Variants in REV1 observed in about 807,000 individuals in gnomAD.
REV1 encodes translesion synthesis protein REV1.
In REV1, 42 loss-of-function variants were observed where a neutral mutation model predicts 137.4. That is an observed-to-expected ratio of 0.31 (90% CI 0.24 to 0.40). The LOEUF (loss-of-function observed/expected upper bound fraction) is 0.40. REV1 is among the 10% of genes least tolerant of loss of function. REV1 has a pLI of 1.00. For missense variants in REV1, 1,282 were observed against 1,490.1 expected, an observed-to-expected ratio of 0.86 and a Z score of 2.30; for synonymous variants, 524 against 519.2, an observed-to-expected ratio of 1.01 and a Z score of -0.12.
chr2:99,469,117 G>C lies in REV1; in HGVS notation c.-10-4132C>G, dbSNP rs894791658. On this transcript the variant is annotated intron_variant, in intron 1 of 22. Transcript: ENST00000258428. Reference sequence around the variant, plus strand: ...TGGGGCCATGACTGGATGAAGGGTGGATATGGTGGGGAGAAGAAAAAAGTT... The same window carrying C: ...TGGGGCCATGACTGGATGAAGGGTGCATATGGTGGGGAGAAGAAAAAAGTT... 1.3e-5 allele frequency among the ~76,000 whole-genome samples: 2 copies of C among 152,142 alleles called. 1 individual carries two copies. Among genetic ancestry groups the C allele is most frequent in the East Asian group, 3.8e-4 (2 of 5,200 alleles).
intron 18 of REV1, 68 bp from the exon 19 acceptor site, chr2:99,403,883 C>T: frequency 6.4e-7 from 1 of 1,562,592 alleles, no homozygotes; most frequent in Non-Finnish European, 8.7e-7. Flanking sequence ...TTCTCTTTTT[C>T]ACAAAACAGA....
At chr2:99,424,097 T>C in intron 10 of REV1, 55 bp downstream of exon 10, 1 of 1,574,196 alleles carries the variant, frequency 6.4e-7, no homozygotes, top group Non-Finnish European at 8.7e-7. Flanking sequence ...CTGTCTTTAC[T>C]ATTAGCTAAA....
Position 99,439,046 on chromosome 2 carries a change from G to C in REV1, c.768C>G (p.Ala256=). ...VNSVASRLSP[A]FSQEEDKAEK... Reference sequence around the variant, plus strand: ...CAGCCTTATCCTCCTCCTGGGAAAAGGCTGGAGAAAGCCTGCTGGCAACAC... The same window carrying C: ...CAGCCTTATCCTCCTCCTGGGAAAACGCTGGAGAAAGCCTGCTGGCAACAC... The change falls in exon 6 of 23, where the codon GCC becomes GCG. Residue 256 remains alanine (A), a synonymous_variant. Coordinates refer to ENST00000258428, the MANE Select transcript of REV1 (RefSeq NM_016316.4). 6.2e-7 allele frequency: 1 copy of C among 1,614,180 alleles called. No individual in the cohort carries two copies. Among genetic ancestry groups the C allele is most frequent in the Non-Finnish European group, 8.5e-7 (1 of 1,180,028 alleles).
At chr2:99,435,682 A>G in intron 7 of REV1, 152 bp downstream of exon 7, 1 of 529,448 alleles carries the variant, frequency 1.9e-6, no homozygotes. Flanking sequence ...TAATTTCCCT[A>G]TACCTTCCCT....
chr2:99,407,009 AC>A, intron 15 of REV1: 1 of 151,510 alleles, frequency 6.6e-6, no homozygotes, highest in Non-Finnish European at 1.5e-5. Context: ...TAATCTTTCA[AC>A]AAAGCCCACA....
intron 21 of REV1, 133 bp from the exon 22 acceptor site, chr2:99,402,479 CTT>C: frequency 2.4e-6 from 2 of 846,544 alleles, no homozygotes; most frequent in African/African-American, 1.7e-5. Context: ...GGCTTTGTTA[CTT>C]TTCAAAGCAA....
intron 11 of REV1, among the ~76,000 whole-genome samples, chr2:99,419,517 C>T (rs937988332): frequency 2.6e-5 from 4 of 152,132 alleles, no homozygotes; most frequent in African/African-American, 9.7e-5. Context: ...ATCAGCAGTC[C>T]TGATCTTCAG....
At chr2:99,434,513 A>C (rs1680492764) in intron 7 of REV1, 65 bp from the exon 8 acceptor site, 3 of 1,033,490 alleles carry the variant, frequency 2.9e-6, no homozygotes, top group East Asian at 2.8e-5. Context: ...TGTAAGCAAA[A>C]ATTTTTCAAA....
At chr2:99,412,656 G>T in intron 13 of REV1, 75 bp downstream of exon 13, 2 of 1,115,658 alleles carry the variant, frequency 1.8e-6, no homozygotes, top group South Asian at 1.3e-5. Flanking sequence ...AGGGTCTAAT[G>T]GTTTAGTTGT....
intron 1 of REV1, among the ~76,000 whole-genome samples, chr2:99,472,417 T>A (rs924148433): frequency 2.0e-5 from 3 of 151,984 alleles, no homozygotes; most frequent in Non-Finnish European, 4.4e-5. Context: ...ACAGGTAGAG[T>A]CTCAGGCAAG....
intron 11 of REV1, among the ~76,000 whole-genome samples, chr2:99,419,264 T>C (rs1361501004): frequency 1.5e-5 from 2 of 136,276 alleles, no homozygotes; most frequent in Admixed American, 1.7e-4. Flanking sequence ...CAAGCTGGAG[T>C]GTAGTGGTTG....
rs1678654791 is a variant in REV1 at position 99,421,386 on chromosome 2, A to G, written c.1831+113T>C. 19 of 959,464 alleles carry G rather than the reference A, an allele frequency of 2.0e-5. No homozygotes were observed. In the East Asian group the frequency reaches 2.3e-4, roughly 11 times the overall value. The allele number at this position is 959,464 out of a possible 1,614,324, so 59.4% of individuals were successfully genotyped here. A position where few individuals can be genotyped will look rare whatever the true frequency, so the allele number is the denominator to read the frequency against. ...GTCACACAATTGTAAGCAATGCTAA[A>G]AACGGTTTTACAAGTGAGAGGAAGC... On this transcript the variant is annotated intron_variant, in intron 11 of 22. Transcript: ENST00000258428.
chr2:99,405,921 A>G lies in REV1; in HGVS notation c.2800T>C (p.Ser934Pro). 6.4e-7 allele frequency: 1 copy of G among 1,555,508 alleles called. No individual in the cohort carries two copies. The highest frequency in any genetic ancestry group is 1.3e-5 in the South Asian group (1 of 79,984). Reference protein sequence around the residue: ...SRLNLSIEVPSPSQLDQSVLE... With the variant: ...SRLNLSIEVPPPSQLDQSVLE... The stretch of plus-strand genomic sequence containing the variant: ...CTACAAAAATGTACCTGGGAAGGTG[A>G]CGGGACCTCTATACTCAGGTTAAGT... The change falls in exon 17 of 23, where the codon TCA becomes CCA. Residue 934 changes from serine (S) to proline (P), a missense_variant. Physicochemically the swap from Ser to Pro is moderately conservative, Grantham distance 74. Around this residue, in one of 7 missense-constraint regions of REV1, gnomAD observed 135 missense variants for 123.3 expected, o/e 1.10. Transcript: ENST00000258428.
intron 12 of REV1, among the ~76,000 whole-genome samples, chr2:99,415,235 A>C (rs948631927): frequency 6.6e-6 from 1 of 152,192 alleles, no homozygotes. Flanking sequence ...CTCTATGGAC[A>C]AAGTAAGGGG....
chr2:99,410,978 C>CGTGA, intron 13 of REV1, 111 bp from the exon 14 acceptor site: 1 of 997,046 alleles, frequency 1.0e-6, no homozygotes, highest in East Asian at 2.8e-5. Flanking sequence ...CTCACTATCA[C>CGTGA]GCTCAGCATC....
intron 22 of REV1, among the ~76,000 whole-genome samples, chr2:99,401,904 G>A (rs1161814187): frequency 7.0e-6 from 1 of 142,526 alleles, no homozygotes; most frequent in Non-Finnish European, 1.5e-5. Context: ...CACCCCCCCA[G>A]ATTATTTATT....
chr2:99,473,558 T>C (rs746246100), intron 1 of REV1, among the ~76,000 whole-genome samples: 3 of 152,190 alleles, frequency 2.0e-5, no homozygotes, highest in Non-Finnish European at 4.4e-5. Flanking sequence ...ATTTAAGATA[T>C]CTTTTAAAAA....
intron 1 of REV1, among the ~76,000 whole-genome samples, chr2:99,471,889 TAA>T (rs947603744): frequency 5.4e-5 from 5 of 93,416 alleles, no homozygotes; most frequent in Middle Eastern, 6.0e-3. Context: ...TAGCTACTAT[TAA>T]AAAAAAAAAA....
At chr2:99,483,938 G>A (rs899833936) in intron 1 of REV1, among the ~76,000 whole-genome samples, 5 of 152,098 alleles carry the variant, frequency 3.3e-5, no homozygotes, top group African/African-American at 1.2e-4. Context: ...CTGACATTCT[G>A]AGGTGTTGAG....
Sources: allele counts gnomAD v4.1 joint callset (sites outside exome capture counted in the v4.1 genomes callset), GRCh38; gene constraint gnomAD v4.1.1; regional missense constraint gnomAD v4.1.1; transcripts MANE v1.5; gene names NCBI Gene and HGNC (gene_info 2026-07-23, HGNC 2026-07-21).